The following SYN2 variants were observed in gnomAD, a reference collection of about 807,000 sequenced individuals.
SYN2 encodes synapsin II, also known as synapsin-2.
In SYN2, 19 loss-of-function variants were observed where a neutral mutation model predicts 50.9. That is an observed-to-expected ratio of 0.37 (90% confidence interval 0.26 to 0.55). SYN2 has a LOEUF of 0.55. SYN2 is among the 20% of genes least tolerant of loss of function. The pLI, the probability that SYN2 is intolerant of heterozygous loss-of-function variation, is 0.81. For synonymous variants in SYN2, 255 were observed against 224.9 expected (o/e 1.13, Z -1.20); for missense variants, 587 against 576.4 (o/e 1.02, Z -0.19).
rs549908995 is a variant in SYN2, at chr3:12,169,109, A to G, written c.1158+631A>G. ...ATCTATCTCATTTCCTGCATGGTCT[A>G]TAACCTTCTAAATGGTCACACCTCT... On this transcript the variant is annotated intron_variant, in intron 9 of 12. Coordinates refer to ENST00000621198, the MANE Select transcript of SYN2 (RefSeq NM_133625.6). Among the ~76,000 whole-genome samples, 6 of 152,302 alleles carry G rather than the reference A, an allele frequency of 3.9e-5. No individual in the cohort carries two copies. In the South Asian group the frequency reaches 6.2e-4, roughly 16 times the overall value.
chr3:12,151,372 T>G (rs1229835985), intron 5 of SYN2, 46 bp downstream of exon 5: 2 of 1,492,242 alleles, frequency 1.3e-6, no homozygotes, highest in Non-Finnish European at 1.9e-6. Flanking sequence ...GTTTTCATTT[T>G]GCACTTAGCC....
intron 1 of SYN2, among the ~76,000 whole-genome samples, chr3:12,122,773 A>G (rs1295001534): frequency 6.6e-6 from 1 of 152,220 alleles, no homozygotes; most frequent in African/African-American, 2.4e-5. Flanking sequence ...TTATCAGAAG[A>G]AAACATAAAC....
rs750881492 is a variant in SYN2 at position 12,142,001 on chromosome 3, G to A, written c.527+5G>A. On this transcript the variant is annotated splice_donor_5th_base_variant and intron_variant, in intron 3 of 12. Transcript: ENST00000621198. ...GAATGGCACAAAGGTTGTCCGGTAA[G>A]GGTCTTTCTGTCCTCAGGATCATTG... is the stretch of plus-strand genomic sequence containing the variant. 2 of 780,716 alleles carry A rather than the reference G, an allele frequency of 2.6e-6. No individual in the cohort carries two copies. The highest frequency in any genetic ancestry group is 4.8e-6 in the Non-Finnish European group (2 of 417,930). 48.4% of individuals were successfully genotyped at this position (780,716 alleles called of 1,614,324 possible). A position where few individuals can be genotyped will look rare whatever the true frequency, so the allele number is the denominator to read the frequency against.
intron 6 of SYN2, 178 bp from the exon 7 acceptor site, chr3:12,161,834 C>T: frequency 9.7e-7 from 1 of 1,030,556 alleles, no homozygotes; most frequent in East Asian, 2.6e-5. Flanking sequence ...CAAGTGTGGC[C>T]CTTGAGTTCT....
intron 1 of SYN2, among the ~76,000 whole-genome samples, chr3:12,007,456 G>A (rs1325235997): frequency 6.6e-6 from 1 of 152,168 alleles, no homozygotes; most frequent in Non-Finnish European, 1.5e-5. Context: ...AAGTCTCTAT[G>A]AGTTAAGGAG....
At chr3:12,161,776 A>G in intron 6 of SYN2, 168 bp downstream of exon 6, 1 of 978,190 alleles carries the variant, frequency 1.0e-6, no homozygotes, top group Non-Finnish European at 1.5e-6. Flanking sequence ...GACCTCTTTC[A>G]GTAAGCAGAA....
At chr3:12,158,062 G>A (rs1174746490) in intron 5 of SYN2, among the ~76,000 whole-genome samples, 1 of 152,160 alleles carries the variant, frequency 6.6e-6, no homozygotes, top group Non-Finnish European at 1.5e-5. Context: ...ATCCTGCCGA[G>A]CTCTTGATCT....
chr3:12,155,463 C>T (rs71304089), intron 5 of SYN2, among the ~76,000 whole-genome samples: 7,523 of 152,266 alleles, frequency 0.049, 211 homozygotes, highest in Non-Finnish European at 0.066. Context: ...GGGGGAAGGG[C>T]TTCCTGTCAT....
chr3:12,060,430 C>A (rs1395047448), intron 1 of SYN2, among the ~76,000 whole-genome samples: 1 of 152,142 alleles, frequency 6.6e-6, no homozygotes, highest in Non-Finnish European at 1.5e-5. Context: ...CTCCAGCCCC[C>A]TCTAGTTTTA....
At chr3:12,127,177 T>A (rs895120466) in intron 1 of SYN2, among the ~76,000 whole-genome samples, 1 of 152,204 alleles carries the variant, frequency 6.6e-6, no homozygotes, top group Non-Finnish European at 1.5e-5. Flanking sequence ...TTGAGTTGGT[T>A]TTTAAAACTA....
chr3:12,158,355 C>G (rs1697521132), intron 5 of SYN2, among the ~76,000 whole-genome samples: 1 of 152,124 alleles, frequency 6.6e-6, no homozygotes, highest in Non-Finnish European at 1.5e-5. Context: ...ACAATGCAAG[C>G]CCTCTCCCCT....
intron 1 of SYN2, among the ~76,000 whole-genome samples, chr3:12,053,787 A>T (rs1039617263): frequency 6.6e-6 from 1 of 152,200 alleles, no homozygotes; most frequent in Non-Finnish European, 1.5e-5. Flanking sequence ...CAAGTAATTA[A>T]CTTAAAATAA....
chr3:12,190,470 C>G lies in SYN2; in HGVS notation c.1614-20C>G, dbSNP rs1698424379. 2 of 1,613,598 alleles carry G rather than the reference C, an allele frequency of 1.2e-6. No homozygotes were observed. Among genetic ancestry groups the G allele is most frequent in the Non-Finnish European group, 1.7e-6 (2 of 1,179,722 alleles). Reference sequence around the variant, plus strand: ...TGGGAACACCACCCTCTCACATTCTCTCTGGTTTTTATCTTCAAGCAAGTC... The same window carrying G: ...TGGGAACACCACCCTCTCACATTCTGTCTGGTTTTTATCTTCAAGCAAGTC... On this transcript the variant is annotated intron_variant, in intron 12 of 12. Transcript: ENST00000621198.
intron 1 of SYN2, among the ~76,000 whole-genome samples, chr3:12,030,192 G>A (rs1355985205): frequency 3.3e-4 from 38 of 115,094 alleles, no homozygotes; most frequent in African/African-American, 1.0e-3. Context: ...ATTGATTTGC[G>A]TATATTGAAC....
chr3:12,010,774 C>T (rs766937762), intron 1 of SYN2, among the ~76,000 whole-genome samples: 1 of 152,186 alleles, frequency 6.6e-6, no homozygotes, highest in Middle Eastern at 3.2e-3. Flanking sequence ...GAAGCAGAGA[C>T]ATACGTCAAT....
chr3:12,022,592 TAG>T (rs1694165468), intron 1 of SYN2, among the ~76,000 whole-genome samples: 1 of 151,752 alleles, frequency 6.6e-6, no homozygotes, highest in Non-Finnish European at 1.5e-5. Context: ...ATTTTTTTAG[TAG>T]AGACAGGGTT....
intron 11 of SYN2, chr3:12,185,724 C>A (rs998789130): frequency 1.0e-6 from 1 of 985,720 alleles, no homozygotes; most frequent in South Asian, 4.7e-5. Context: ...AAAGTTATAT[C>A]TGTCTTCAGT....
At chr3:12,165,853 G>A (rs911341019) in intron 7 of SYN2, among the ~76,000 whole-genome samples, 1 of 152,188 alleles carries the variant, frequency 6.6e-6, no homozygotes, top group African/African-American at 2.4e-5. Context: ...TGCCTTTCCT[G>A]AATTAGGTAG....
chr3:12,167,180 C>T (rs1182794538), intron 7 of SYN2, 54 bp from the exon 8 acceptor site: 37 of 1,571,164 alleles, frequency 2.4e-5, no homozygotes, highest in Middle Eastern at 1.7e-4. Flanking sequence ...TGCATGCCCT[C>T]CTCTTGCTGG....
Sources: gnomAD v4.1 joint callset for allele counts (sites outside exome capture counted in the v4.1 genomes callset) on GRCh38, gnomAD v4.1.1 for gene constraint, MANE v1.5 for transcripts, NCBI Gene and HGNC (gene_info 2026-07-23, HGNC 2026-07-21) for gene names.